Variants in METTL15 observed in about 807,000 individuals in gnomAD.
The protein encoded by METTL15 is 12S rRNA N(4)-cytidine methyltransferase METTL15.
METTL15 carries 34 observed loss-of-function variants against 38.3 expected under a neutral mutation model. The ratio of observed to expected loss-of-function variants is 0.89; its 90% confidence interval spans 0.68 to 1.18. METTL15 has a LOEUF of 1.18. METTL15 is among the 50% of genes most tolerant of loss of function. The pLI is 0.00. For synonymous variants in METTL15, 162 were observed against 170.9 expected, an observed-to-expected ratio of 0.95 and a Z score of 0.41; for missense variants, 438 against 498.4, an observed-to-expected ratio of 0.88 and a Z score of 1.15.
chr11:28,431,960 A>T (rs1253023734), intron 6 of METTL15, among the ~76,000 whole-genome samples: 1 of 152,192 alleles, frequency 6.6e-6, no homozygotes, highest in African/African-American at 2.4e-5. Context: ...TGCCCATCAT[A>T]GGATTCTCAA....
chr11:28,247,867 A>G (rs940546258), intron 4 of METTL15, among the ~76,000 whole-genome samples: 2 of 152,094 alleles, frequency 1.3e-5, no homozygotes, highest in Non-Finnish European at 2.9e-5. Context: ...CATACAAATA[A>G]TCAAAGGAAA....
chr11:28,414,607 T>G (rs866269008), intron 5 of METTL15, among the ~76,000 whole-genome samples: 1 of 152,136 alleles, frequency 6.6e-6, no homozygotes, highest in East Asian at 1.9e-4. Flanking sequence ...TTTGATGCCA[T>G]GTTTCAATGG....
intron 6 of METTL15, among the ~76,000 whole-genome samples, chr11:28,313,336 A>C (rs1200598993): frequency 6.6e-6 from 1 of 152,036 alleles, no homozygotes; most frequent in Non-Finnish European, 1.5e-5. Flanking sequence ...TCACAAACAC[A>C]TGCAAAAATA....
intron 3 of METTL15, among the ~76,000 whole-genome samples, chr11:28,178,595 T>G (rs1421291051): frequency 6.6e-6 from 1 of 151,878 alleles, no homozygotes; most frequent in East Asian, 1.9e-4. Context: ...TGGTTTTTTT[T>G]GGTCAAGAAC....
chr11:28,318,964 T>G (rs180994373), intron 6 of METTL15, among the ~76,000 whole-genome samples: 1 of 151,228 alleles, frequency 6.6e-6, no homozygotes, highest in East Asian at 1.9e-4. Flanking sequence ...GAGCTAACAA[T>G]AAGTTATTTT....
At chr11:28,134,325 A>G (rs778276812) in intron 3 of METTL15, among the ~76,000 whole-genome samples, 15 of 152,124 alleles carry the variant, frequency 9.9e-5, no homozygotes, top group Non-Finnish European at 2.1e-4. Context: ...ATATATACCA[A>G]TGGTCTGGGT....
At chr11:28,194,471 A>T (rs1048997919) in intron 3 of METTL15, among the ~76,000 whole-genome samples, 2 of 151,858 alleles carry the variant, frequency 1.3e-5, no homozygotes, top group African/African-American at 4.8e-5. Flanking sequence ...AAGTGCTGGG[A>T]TTACAAGCAT....
chr11:28,253,385 C>T (rs1854827461), intron 4 of METTL15, among the ~76,000 whole-genome samples: 1 of 152,084 alleles, frequency 6.6e-6, no homozygotes, highest in East Asian at 1.9e-4. Flanking sequence ...TACAAGTGTG[C>T]AATGTGAAAT....
intron 6 of METTL15, among the ~76,000 whole-genome samples, chr11:28,513,390 A>T (rs529381138): frequency 7.4e-4 from 112 of 152,344 alleles, no homozygotes; most frequent in African/African-American, 2.5e-3. Flanking sequence ...CTCTCTGATT[A>T]TCAGTTCCCT....
At chr11:28,389,243 T>TTA (rs397799217) in intron 5 of METTL15, among the ~76,000 whole-genome samples, 2 of 150,500 alleles carry the variant, frequency 1.3e-5, no homozygotes, top group African/African-American at 4.9e-5. Flanking sequence ...TCTTTTTTTT[T>TTA]ATTATACTTT....
intron 3 of METTL15, among the ~76,000 whole-genome samples, chr11:28,130,216 T>C (rs750563427): frequency 6.6e-6 from 1 of 151,784 alleles, no homozygotes; most frequent in African/African-American, 2.4e-5. Flanking sequence ...GAGGCTGAGG[T>C]TGGAGGATCA....
intron 3 of METTL15, among the ~76,000 whole-genome samples, chr11:28,133,614 C>G (rs1849412767): frequency 6.6e-6 from 1 of 152,120 alleles, no homozygotes. Flanking sequence ...TTCTTCCATG[C>G]TGTCTTTTGG....
At chr11:28,196,699 A>G (rs1330828168) in intron 3 of METTL15, among the ~76,000 whole-genome samples, 1 of 151,910 alleles carries the variant, frequency 6.6e-6, no homozygotes, top group Non-Finnish European at 1.5e-5. Context: ...GAGAAGACTG[A>G]CATAAGAACA....
At chr11:28,221,152 C>T (rs7126126) in intron 4 of METTL15, among the ~76,000 whole-genome samples, 2 of 151,924 alleles carry the variant, frequency 1.3e-5, no homozygotes, top group South Asian at 4.1e-4. Context: ...ATCCTGCAGA[C>T]TGTTTTCCAA....
rs564148124 is a variant in METTL15, at chr11:28,302,150, C to T, written c.778+5219C>T. Among the ~76,000 whole-genome samples the T allele has an allele frequency of 5.9e-5, 9 of 152,082 alleles. No individual in the cohort carries two copies. The South Asian group carries it at 1.9e-3, about 32-fold the overall frequency. On this transcript the variant is annotated intron_variant, in intron 6 of 6. Coordinates refer to ENST00000407364, the MANE Select transcript of METTL15 (RefSeq NM_001113528.2). ...CTTGTCTCGAACTCTTGGCTTCAAG[C>T]GATCCCCAACCTCCTGGCTCAGCTT...
intron 1 of METTL15, among the ~76,000 whole-genome samples, chr11:28,108,762 C>A (rs908306939): frequency 1.3e-5 from 2 of 152,148 alleles, no homozygotes; most frequent in Non-Finnish European, 2.9e-5. Context: ...TTTTTACATT[C>A]TCTGTCTAAT....
At chr11:28,483,744 G>A (rs545718964) in intron 6 of METTL15, among the ~76,000 whole-genome samples, 1 of 152,252 alleles carries the variant, frequency 6.6e-6, no homozygotes, top group South Asian at 2.1e-4. Flanking sequence ...GATTTGCACT[G>A]CAACTGGTAG....
chr11:28,245,174 T>G (rs1022919803), intron 4 of METTL15, among the ~76,000 whole-genome samples: 4 of 152,188 alleles, frequency 2.6e-5, no homozygotes, highest in African/African-American at 9.6e-5. Flanking sequence ...CAACTTGTAT[T>G]CAAAATCCAG....
intron 5 of METTL15, among the ~76,000 whole-genome samples, chr11:28,413,100 G>A (rs1356875239): frequency 6.6e-6 from 1 of 151,524 alleles, no homozygotes; most frequent in Non-Finnish European, 1.5e-5. Context: ...TTCCTTTTGA[G>A]ACAAAAAAAT....
Sources: gnomAD v4.1 joint callset for allele counts (sites outside exome capture counted in the v4.1 genomes callset) on GRCh38, gnomAD v4.1.1 for gene constraint, MANE v1.5 for transcripts, NCBI Gene and HGNC (gene_info 2026-07-23, HGNC 2026-07-21) for gene names.